The following CSMD2 variants were observed in gnomAD, a reference collection of about 807,000 sequenced individuals.
The protein encoded by CSMD2 is CUB and Sushi multiple domains 2, also known as CUB and sushi domain-containing protein 2.
In CSMD2, 130 loss-of-function variants were observed where a neutral mutation model predicts 398.5. The ratio of observed to expected loss-of-function variants is 0.33; its 90% CI spans 0.28 to 0.38. CSMD2 has a LOEUF of 0.38. Ranked by LOEUF, CSMD2 falls within the 10% of genes least tolerant of loss-of-function variation. The probability of loss-of-function intolerance (pLI) is 1.00; values close to 1 mark genes in which losing one functional copy is unlikely to be tolerated. For missense variants in CSMD2, 3,829 were observed against 4,764.9 expected, an observed-to-expected ratio of 0.80 and a Z score of 5.78; for synonymous variants, 1,828 against 1,908.5, an observed-to-expected ratio of 0.96 and a Z score of 1.10.
chr1:33,606,866 T>TC (rs1243480526), intron 41 of CSMD2, among the ~76,000 whole-genome samples: 11 of 152,128 alleles, frequency 7.2e-5, no homozygotes, highest in East Asian at 5.8e-4. Flanking sequence ...GAGAGAAACC[T>TC]CAGAGCCTGT....
At chr1:33,600,701 T>C in intron 44 of CSMD2, 164 bp downstream of exon 44, 2 of 679,400 alleles carry the variant, frequency 2.9e-6, no homozygotes, top group South Asian at 3.8e-5. Context: ...AGCTCTCACA[T>C]AGGCTAATAC....
At chr1:33,878,531 C>T (rs1375371741) in intron 5 of CSMD2, among the ~76,000 whole-genome samples, 1 of 152,244 alleles carries the variant, frequency 6.6e-6, no homozygotes, top group Non-Finnish European at 1.5e-5. Context: ...ACAGCACAGC[C>T]ATCTGCTCCC....
intron 15 of CSMD2, 135 bp from the exon 16 acceptor site, chr1:33,726,820 G>A: frequency 1.0e-6 from 1 of 996,258 alleles, no homozygotes; most frequent in Non-Finnish European, 1.4e-6. Context: ...ACTATAAACT[G>A]TGAGTTTTGT....
At chr1:33,714,508 C>A in intron 21 of CSMD2, 79 bp downstream of exon 21, 1 of 1,498,762 alleles carries the variant, frequency 6.7e-7, no homozygotes, top group Non-Finnish European at 9.1e-7. Context: ...GCCTGTGTGC[C>A]GTCCACCACC....
intron 2 of CSMD2, among the ~76,000 whole-genome samples, chr1:34,067,899 A>C (rs1655287309): frequency 6.6e-6 from 1 of 152,092 alleles, no homozygotes; most frequent in Admixed American, 6.6e-5. Flanking sequence ...ACTCTCCATG[A>C]CTCCAGGAAG....
chr1:33,697,255 T>C (rs1354282808), intron 24 of CSMD2, among the ~76,000 whole-genome samples: 4 of 152,222 alleles, frequency 2.6e-5, no homozygotes, highest in African/African-American at 9.7e-5. Flanking sequence ...CGGTTGTGTG[T>C]TTATGCAAGC....
intron 3 of CSMD2, among the ~76,000 whole-genome samples, chr1:33,950,704 C>T (rs996629211): frequency 2.0e-5 from 3 of 152,152 alleles, no homozygotes; most frequent in Admixed American, 2.0e-4. Context: ...TTAGGTGTTA[C>T]CAGGCCCTAA....
At chr1:33,927,340 C>T (rs1644161523) in intron 4 of CSMD2, among the ~76,000 whole-genome samples, 1 of 152,146 alleles carries the variant, frequency 6.6e-6, no homozygotes. Context: ...TCCCAGACTC[C>T]TATAGTTACA....
chr1:33,948,389 C>T (rs1330688850), intron 3 of CSMD2, among the ~76,000 whole-genome samples: 1 of 152,218 alleles, frequency 6.6e-6, no homozygotes, highest in Non-Finnish European at 1.5e-5. Flanking sequence ...CTAACACACA[C>T]TCACACTCAA....
intron 25 of CSMD2, among the ~76,000 whole-genome samples, 185 bp from the exon 26 acceptor site, chr1:33,663,277 C>T (rs999180125): frequency 1.3e-5 from 2 of 152,166 alleles, no homozygotes; most frequent in African/African-American, 4.8e-5. Flanking sequence ...GCCAGCTCCT[C>T]CCACTGGGGC....
At chr1:33,964,285 A>G (rs1484203338) in intron 3 of CSMD2, among the ~76,000 whole-genome samples, 3 of 152,202 alleles carry the variant, frequency 2.0e-5, no homozygotes, top group East Asian at 1.9e-4. Flanking sequence ...GGAGATGATA[A>G]TAACAGTGCC....
At chr1:33,991,182 T>A (rs1201950935) in intron 3 of CSMD2, among the ~76,000 whole-genome samples, 1 of 152,076 alleles carries the variant, frequency 6.6e-6, no homozygotes, top group Admixed American at 6.5e-5. Flanking sequence ...ATATTTTTCA[T>A]TTTTTGTAGA....
chr1:33,906,713 A>G (rs74069786), intron 5 of CSMD2, among the ~76,000 whole-genome samples: 2,082 of 152,300 alleles, frequency 0.014, 48 homozygotes, highest in African/African-American at 0.049. Context: ...TGGTCCATCA[A>G]AGTGGAGATG....
chr1:33,842,777 TC>T, intron 6 of CSMD2, among the ~76,000 whole-genome samples: 1 of 152,314 alleles, frequency 6.6e-6, no homozygotes, highest in East Asian at 1.9e-4. Flanking sequence ...TTTCTTTTCT[TC>T]AACTGTTCAA....
intron 1 of CSMD2, among the ~76,000 whole-genome samples, chr1:34,160,269 T>A (rs59432584): frequency 0.095 from 14,519 of 152,278 alleles, 824 homozygotes; most frequent in African/African-American, 0.16. Context: ...CACTCTCCGC[T>A]GCAGTCAGCT....
chr1:34,121,562 T>C (rs959076677), intron 1 of CSMD2, among the ~76,000 whole-genome samples: 1 of 152,220 alleles, frequency 6.6e-6, no homozygotes, highest in Non-Finnish European at 1.5e-5. Context: ...TTAGTAGGTC[T>C]GGGTGGGGCT....
At position 33,578,550 on chromosome 1, in the gene CSMD2, C is replaced by T. The variant is rs369340272; in HGVS notation, c.7388-1066G>A. ...ATGAGCTCATGCCATTGCACTCCAGCGTGGGTGACAGAGTGAGACTCTGTC... is the reference window on the plus strand; with the variant it reads ...ATGAGCTCATGCCATTGCACTCCAGTGTGGGTGACAGAGTGAGACTCTGTC... On this transcript the variant is annotated intron_variant, in intron 48 of 70. Coordinates refer to ENST00000373381, the MANE Select transcript of CSMD2 (RefSeq NM_001281956.2). Among the ~76,000 whole-genome samples the T allele has an allele frequency of 5.4e-4, 82 of 152,148 alleles. 3 individuals are homozygous for T. The East Asian group carries it at 8.1e-3, about 15-fold the overall frequency.
chr1:33,624,347 C>T lies in CSMD2; in HGVS notation c.5625+172G>A, dbSNP rs985262120. ...TTTCTGCATGGGAGCCACATCTCCACACTTGGACTGAGCCTCCTTAGCCGC... is the reference window on the plus strand; with the variant it reads ...TTTCTGCATGGGAGCCACATCTCCATACTTGGACTGAGCCTCCTTAGCCGC... On this transcript the variant is annotated intron_variant, in intron 35 of 70. Coordinates refer to ENST00000373381, the MANE Select transcript of CSMD2 (RefSeq NM_001281956.2). The surrounding 1 kb of genome is among the most constrained non-coding windows in gnomAD (Gnocchi z 4.7). 3.3e-5 allele frequency among the ~76,000 whole-genome samples: 5 copies of T among 152,212 alleles called. No homozygotes were observed. Among genetic ancestry groups the T allele is most frequent in the African/African-American group, 1.2e-4 (5 of 41,456 alleles).
At chr1:34,150,570 T>A (rs1414320531) in intron 1 of CSMD2, among the ~76,000 whole-genome samples, 2 of 151,680 alleles carry the variant, frequency 1.3e-5, no homozygotes, top group Non-Finnish European at 2.9e-5. Context: ...TTGTAAGGGG[T>A]AAGGGAGGAA....
Sources: allele counts gnomAD v4.1 joint callset (sites outside exome capture counted in the v4.1 genomes callset), GRCh38; gene constraint gnomAD v4.1.1; non-coding constraint Gnocchi (gnomAD v3.1); transcripts MANE v1.5; gene names NCBI Gene and HGNC (gene_info 2026-07-23, HGNC 2026-07-21).